SORBS2: variants seen among roughly 807,000 people sequenced by gnomAD.
The protein encoded by SORBS2 is sorbin and SH3 domain-containing protein 2.
In SORBS2, 46 loss-of-function variants were observed where a neutral mutation model predicts 97.7. The ratio of observed to expected loss-of-function variants is 0.47; its 90% CI spans 0.37 to 0.60. SORBS2 has a LOEUF of 0.60. Among genes scored for constraint, SORBS2 ranks in the 20% least tolerant of loss-of-function variants. The probability of loss-of-function intolerance (pLI) is 0.00; values close to 1 mark genes in which losing one functional copy is unlikely to be tolerated. For synonymous variants in SORBS2, 476 were observed against 473.4 expected (o/e 1.01, Z -0.07); for missense variants, 1,316 against 1,282.3 (o/e 1.03, Z -0.40).
chr4:185,938,052 C>T (rs1368985913), intron 1 of SORBS2, among the ~76,000 whole-genome samples: 9 of 149,038 alleles, frequency 6.0e-5, no homozygotes, highest in South Asian at 2.2e-4. Context: ...CTCTGTCACC[C>T]AGGCTGGAGT....
chr4:185,648,189 T>C (rs566401288), intron 3 of SORBS2, among the ~76,000 whole-genome samples: 19 of 152,214 alleles, frequency 1.2e-4, no homozygotes, highest in Non-Finnish European at 1.9e-4. Context: ...CTTGAACCTC[T>C]GGCCTCAGGC....
chr4:185,706,009 G>A (rs953313192), intron 2 of SORBS2, among the ~76,000 whole-genome samples: 3 of 152,010 alleles, frequency 2.0e-5, no homozygotes, highest in Non-Finnish European at 2.9e-5. Flanking sequence ...CTGGAAAATG[G>A]CAAAGATAAT....
At chr4:185,682,463 T>G (rs1180945399) in intron 2 of SORBS2, among the ~76,000 whole-genome samples, 1 of 152,202 alleles carries the variant, frequency 6.6e-6, no homozygotes, top group Non-Finnish European at 1.5e-5. Flanking sequence ...ACAGACTGAC[T>G]CAGGGGACAA....
chr4:185,907,490 A>G (rs2099251689), intron 1 of SORBS2, among the ~76,000 whole-genome samples: 1 of 152,214 alleles, frequency 6.6e-6, no homozygotes, highest in African/African-American at 2.4e-5. Flanking sequence ...AACTTTGGCC[A>G]TGAAGAAACA....
intron 1 of SORBS2, among the ~76,000 whole-genome samples, chr4:185,845,459 G>T (rs2099214050): frequency 6.6e-6 from 1 of 152,126 alleles, no homozygotes; most frequent in Non-Finnish European, 1.5e-5. Flanking sequence ...AAAAAAATCT[G>T]TAAACCTTAT....
intron 2 of SORBS2, chr4:185,773,320 A>G (rs889895544): frequency 6.6e-6 from 1 of 152,240 alleles, no homozygotes; most frequent in African/African-American, 2.4e-5. Flanking sequence ...CCATACACAT[A>G]AATGCGATGA....
chr4:185,855,979 G>A (rs987500022), intron 1 of SORBS2, among the ~76,000 whole-genome samples: 5 of 152,128 alleles, frequency 3.3e-5, no homozygotes, highest in Non-Finnish European at 7.4e-5. Flanking sequence ...TCAGCACATA[G>A]CACAATAAAT....
chr4:185,881,735 A>G (rs1293316641), intron 1 of SORBS2, among the ~76,000 whole-genome samples: 2 of 152,316 alleles, frequency 1.3e-5, no homozygotes, highest in South Asian at 4.1e-4. Context: ...AACTAAAACT[A>G]AATTATTGTG....
In SORBS2 at chr4:185,623,907, C is replaced by T. The variant is rs1198901498; in HGVS notation, c.1222G>A (p.Asp408Asn). The change falls in exon 7 of 15, where the codon GAC (aspartate) becomes AAC (asparagine). Residue 408 changes from aspartate to asparagine, a missense_variant. By Grantham distance (23) the Asp-to-Asn change is conservative. Transcript: ENST00000418609. This position sits in a 1 kb window ranked among gnomAD's most constrained non-coding sequence, Gnocchi z 6.4. ...TCGGAGATGCGTGTGGGCACCATGT[C>T]CCGGGGCACCTCCTCCGTGGAGCAC... 3 of 1,614,158 alleles carry T rather than the reference C, an allele frequency of 1.9e-6. No individual in the cohort carries two copies. Among genetic ancestry groups the T allele is most frequent in the East Asian group, 2.2e-5 (1 of 44,862 alleles).
At chr4:185,609,313 A>G (rs2096492989) in intron 12 of SORBS2, among the ~76,000 whole-genome samples, 1 of 152,228 alleles carries the variant, frequency 6.6e-6, no homozygotes, top group African/African-American at 2.4e-5. Context: ...GAAATATATA[A>G]TAATTTCAGA....
At chr4:185,737,438 G>A (rs533763001) in intron 2 of SORBS2, among the ~76,000 whole-genome samples, 1 of 152,292 alleles carries the variant, frequency 6.6e-6, no homozygotes, top group Non-Finnish European at 1.5e-5. Flanking sequence ...GGCCTGTGCT[G>A]ACAATACAGG....
At chr4:185,769,366 C>T (rs151294146) in intron 2 of SORBS2, among the ~76,000 whole-genome samples, 1 of 152,324 alleles carries the variant, frequency 6.6e-6, no homozygotes, top group African/African-American at 2.4e-5. Flanking sequence ...ATCAATATCT[C>T]AGCCACCCAC....
intron 1 of SORBS2, among the ~76,000 whole-genome samples, chr4:185,830,269 C>A (rs2099204413): frequency 6.6e-6 from 1 of 152,116 alleles, no homozygotes; most frequent in Non-Finnish European, 1.5e-5. Flanking sequence ...GCTCTCAAAT[C>A]ATAGTTTGGA....
chr4:185,642,834 T>C (rs919505067), intron 4 of SORBS2, among the ~76,000 whole-genome samples: 1 of 152,200 alleles, frequency 6.6e-6, no homozygotes, highest in Non-Finnish European at 1.5e-5. Context: ...GAGTCACTAC[T>C]AATAGCAGTG....
chr4:185,915,113 AC>A, intron 1 of SORBS2, among the ~76,000 whole-genome samples: 1 of 152,232 alleles, frequency 6.6e-6, no homozygotes, highest in Non-Finnish European at 1.5e-5. Context: ...GGTCACTCAT[AC>A]CACTCACTGC....
chr4:185,767,486 T>C (rs1410004766), intron 2 of SORBS2, among the ~76,000 whole-genome samples: 45 of 100,438 alleles, frequency 4.5e-4, no homozygotes, highest in Non-Finnish European at 5.4e-4. Flanking sequence ...GGCGACAGAG[T>C]GAGACTCTGT....
chr4:185,607,064 C>T lies in SORBS2; in HGVS notation c.2796+4716G>A. ...GAAGGTGATTCGGCAGGTGCAGTCG[C>T]TGGGGACAATGGGAGGAGGACAGCA... On this transcript the variant is annotated intron_variant, in intron 12 of 14. Coordinates refer to ENST00000418609, the Ensembl canonical transcript of SORBS2. The surrounding 1 kb of genome is among the most constrained non-coding windows in gnomAD (Gnocchi z 5.2). 4 of 1,034,254 alleles carry T rather than the reference C, an allele frequency of 3.9e-6. No homozygotes were observed. The highest frequency in any genetic ancestry group is 4.7e-6 in the Non-Finnish European group (4 of 858,738). The allele number at this position is 1,034,254 out of a possible 1,614,324, so 64.1% of individuals were successfully genotyped here.
intron 2 of SORBS2, among the ~76,000 whole-genome samples, chr4:185,682,954 A>G (rs1213417856): frequency 6.6e-6 from 1 of 150,446 alleles, no homozygotes; most frequent in African/African-American, 2.5e-5. Flanking sequence ...CAGAGGTTGC[A>G]GTGAGCCAAG....
chr4:185,623,792 C>T lies in SORBS2; in HGVS notation c.1337G>A (p.Gly446Asp). Residue 446 changes from glycine (G) to aspartate (D), a missense_variant, in exon 7 of 15, where the codon GGC (glycine) becomes GAC (aspartate). Transcript: ENST00000418609. This position sits in a 1 kb window ranked among gnomAD's most constrained non-coding sequence, Gnocchi z 6.4. ...GGAAAACCGCCTCTTGGGACATAGG[C>T]CATTTTGCGGTGGTTCTAGGGTTAC... The T allele has an allele frequency of 6.2e-7, 1 of 1,614,132 alleles. No individual in the cohort carries two copies. The highest frequency in any genetic ancestry group is 1.1e-5 in the South Asian group (1 of 91,074).
Sources: gnomAD v4.1 joint callset for allele counts (sites outside exome capture counted in the v4.1 genomes callset) on GRCh38, gnomAD v4.1.1 for gene constraint, Gnocchi (gnomAD v3.1) non-coding constraint, MANE v1.5 for transcripts, NCBI Gene and HGNC (gene_info 2026-07-23, HGNC 2026-07-21) for gene names.